The following CHST11 variants were observed in gnomAD, a reference collection of about 807,000 sequenced individuals.
CHST11 encodes the protein carbohydrate sulfotransferase 11, also known as C4S-1.
In CHST11, 9 loss-of-function variants were observed where a neutral mutation model predicts 30.4. The ratio of observed to expected loss-of-function variants is 0.30; its 90% CI spans 0.18 to 0.52. The LOEUF (loss-of-function observed/expected upper bound fraction) is 0.52. Ranked by LOEUF, CHST11 falls within the 20% of genes least tolerant of loss-of-function variation. The pLI, the probability that CHST11 is intolerant of heterozygous loss-of-function variation, is 0.97. For missense variants in CHST11, 348 were observed against 460.6 expected (o/e 0.76, Z 2.24); for synonymous variants, 152 against 187.8 (o/e 0.81, Z 1.56).
At chr12:104,514,274 AG>A in intron 1 of CHST11, 1 of 869,606 alleles carries the variant, frequency 1.1e-6, no homozygotes, top group Non-Finnish European at 2.0e-6. Flanking sequence ...TGGGTGGTTC[AG>A]GGGCTGGCAT....
At chr12:104,526,914 G>T (rs79058756) in intron 1 of CHST11, among the ~76,000 whole-genome samples, 44 of 152,278 alleles carry the variant, frequency 2.9e-4, no homozygotes, top group African/African-American at 9.9e-4. Flanking sequence ...CTTTTCTCCC[G>T]GGTTGGCAAG....
intron 2 of CHST11, among the ~76,000 whole-genome samples, chr12:104,679,749 G>C (rs2039776891): frequency 2.0e-5 from 3 of 152,148 alleles, no homozygotes; most frequent in Non-Finnish European, 4.4e-5. Flanking sequence ...ATTCATGGTA[G>C]AGCACAGAGA....
intron 1 of CHST11, among the ~76,000 whole-genome samples, chr12:104,480,619 A>G (rs2037612266): frequency 6.6e-6 from 1 of 151,148 alleles, no homozygotes; most frequent in African/African-American, 2.4e-5. Context: ...ATTAGAGGAC[A>G]GTGTGCCCTT....
At chr12:104,590,768 A>C (rs1366037433) in intron 1 of CHST11, among the ~76,000 whole-genome samples, 1 of 152,196 alleles carries the variant, frequency 6.6e-6, no homozygotes, top group African/African-American at 2.4e-5. Context: ...TAAAAATGCC[A>C]AAAATTAGCT....
rs111656295 is a variant in CHST11, at chr12:104,474,228, A to G, written c.118+16699A>G. 9.3e-3 allele frequency among the ~76,000 whole-genome samples: 1,424 copies of G among 152,320 alleles called. 26 individuals are homozygous for G. Among genetic ancestry groups the G allele is most frequent in the African/African-American group, 0.032 (1,330 of 41,562 alleles). On this transcript the variant is annotated intron_variant, in intron 1 of 2. Coordinates refer to ENST00000303694, the MANE Select transcript of CHST11 (RefSeq NM_018413.6). ...GAAATCCTTTAAGAGCGAAGGTTTCATTATATATAGGGTTTTCTGTATAAT... is the reference window on the plus strand; with the variant it reads ...GAAATCCTTTAAGAGCGAAGGTTTCGTTATATATAGGGTTTTCTGTATAAT...
chr12:104,497,568 C>T (rs760244124), intron 1 of CHST11, among the ~76,000 whole-genome samples: 1 of 151,556 alleles, frequency 6.6e-6, no homozygotes, highest in Non-Finnish European at 1.5e-5. Flanking sequence ...TTAAGTACCT[C>T]ACGTATTAAA....
chr12:104,562,363 C>T (rs966510570), intron 1 of CHST11, among the ~76,000 whole-genome samples: 2 of 152,096 alleles, frequency 1.3e-5, no homozygotes, highest in African/African-American at 4.8e-5. Flanking sequence ...TTGAGGGTCA[C>T]CTGCAGCTCT....
chr12:104,574,186 G>A (rs1256931223), intron 1 of CHST11, among the ~76,000 whole-genome samples: 1 of 152,170 alleles, frequency 6.6e-6, no homozygotes, highest in Non-Finnish European at 1.5e-5. Flanking sequence ...AGTTAGAATG[G>A]CAATCATTAA....
intron 1 of CHST11, among the ~76,000 whole-genome samples, chr12:104,498,860 T>C (rs2037826190): frequency 6.6e-6 from 1 of 152,206 alleles, no homozygotes; most frequent in South Asian, 2.1e-4. Context: ...AGTTTTTAGG[T>C]AGTGGGAGAG....
intron 2 of CHST11, among the ~76,000 whole-genome samples, chr12:104,633,269 C>A (rs1376128865): frequency 1.3e-5 from 2 of 152,152 alleles, no homozygotes; most frequent in Admixed American, 1.3e-4. Flanking sequence ...CTCATGATTT[C>A]TTCACTGCCT....
At chr12:104,538,931 G>A (rs1565979360) in intron 1 of CHST11, among the ~76,000 whole-genome samples, 1 of 152,134 alleles carries the variant, frequency 6.6e-6, no homozygotes, top group Non-Finnish European at 1.5e-5. Context: ...TTCAACATAT[G>A]CCAACTCATT....
chr12:104,703,264 C>T (rs1001331377), intron 2 of CHST11, among the ~76,000 whole-genome samples: 3 of 152,176 alleles, frequency 2.0e-5, no homozygotes, highest in African/African-American at 2.4e-5. Flanking sequence ...TCGGGCCTCT[C>T]GGACCCCAGA....
chr12:104,691,246 G>T (rs552616862), intron 2 of CHST11, among the ~76,000 whole-genome samples: 1 of 152,264 alleles, frequency 6.6e-6, no homozygotes, highest in South Asian at 2.1e-4. Context: ...TTCAGCTCTG[G>T]ATGGGCTGTG....
chr12:104,645,849 C>T (rs761536770), intron 2 of CHST11, among the ~76,000 whole-genome samples: 1 of 152,206 alleles, frequency 6.6e-6, no homozygotes, highest in Non-Finnish European at 1.5e-5. Flanking sequence ...ATCCATCTAC[C>T]TACAAATTAG....
chr12:104,541,130 T>TCACACACACACACACA, intron 1 of CHST11, among the ~76,000 whole-genome samples: 1 of 146,678 alleles, frequency 6.8e-6, no homozygotes, highest in African/African-American at 2.5e-5. Context: ...TCTCTCTCTC[T>TCACACACACACACACA]CACACACACA....
intron 1 of CHST11, among the ~76,000 whole-genome samples, chr12:104,595,726 G>T (rs2038901453): frequency 6.6e-6 from 1 of 152,156 alleles, no homozygotes; most frequent in Non-Finnish European, 1.5e-5. Flanking sequence ...CATGGACCAG[G>T]TGCCATTTCA....
chr12:104,633,624 C>T (rs1194948517), intron 2 of CHST11, among the ~76,000 whole-genome samples: 20 of 152,130 alleles, frequency 1.3e-4, no homozygotes, highest in Admixed American at 1.0e-3. Context: ...ACCATGTTGG[C>T]CAGGCTGGTC....
At chr12:104,520,128 A>G (rs1392647202) in intron 1 of CHST11, among the ~76,000 whole-genome samples, 3 of 152,094 alleles carry the variant, frequency 2.0e-5, no homozygotes, top group African/African-American at 4.8e-5. Flanking sequence ...CTGCACACCC[A>G]TGCTACAGGC....
intron 2 of CHST11, among the ~76,000 whole-genome samples, chr12:104,716,591 G>T (rs1003949545): frequency 1.3e-5 from 2 of 152,238 alleles, no homozygotes; most frequent in African/African-American, 2.4e-5. Context: ...GGGATGGCCT[G>T]TCTTCTTCAT....
Sources: allele counts gnomAD v4.1 joint callset (sites outside exome capture counted in the v4.1 genomes callset), GRCh38; gene constraint gnomAD v4.1.1; transcripts MANE v1.5; gene names NCBI Gene and HGNC (gene_info 2026-07-23, HGNC 2026-07-21).